MTHFD1L: variants seen among roughly 807,000 people sequenced by gnomAD.
MTHFD1L encodes monofunctional C1-tetrahydrofolate synthase, mitochondrial.
In MTHFD1L, 81 loss-of-function variants were observed where a neutral mutation model predicts 119.5. That is an observed-to-expected ratio of 0.68 (90% CI 0.57 to 0.82). The LOEUF (loss-of-function observed/expected upper bound fraction) is 0.82. Among genes scored for constraint, MTHFD1L ranks in the 40% least tolerant of loss-of-function variants. The pLI, the probability that MTHFD1L is intolerant of heterozygous loss-of-function variation, is 0.00. For synonymous variants in MTHFD1L, 430 were observed against 475.2 expected, an observed-to-expected ratio of 0.90 and a Z score of 1.24; for missense variants, 1,125 against 1,253.4, an observed-to-expected ratio of 0.90 and a Z score of 1.55.
chr6:150,958,152 A>G (rs779382554), intron 17 of MTHFD1L, among the ~76,000 whole-genome samples: 2 of 152,214 alleles, frequency 1.3e-5, no homozygotes, highest in Non-Finnish European at 2.9e-5. Context: ...TGCTTCGTGC[A>G]TAGATATTTT....
In MTHFD1L at chr6:150,884,450, A is replaced by G. The variant is rs1161122640; in HGVS notation, c.543-1184A>G. On this transcript the variant is annotated intron_variant, in intron 5 of 27. Transcript: ENST00000367321. ...CCACCGCGCCTGGCCCCTTGTCTCT[A>G]TTTTTAAGTAAATAATTAAACATTT... 3.9e-5 allele frequency among the ~76,000 whole-genome samples: 6 copies of G among 151,964 alleles called. No individual in the cohort carries two copies. The East Asian group carries it at 1.2e-3, about 30-fold the overall frequency.
At chr6:150,873,870 A>G (rs1779957670) in intron 1 of MTHFD1L, among the ~76,000 whole-genome samples, 1 of 152,152 alleles carries the variant, frequency 6.6e-6, no homozygotes, top group Non-Finnish European at 1.5e-5. Flanking sequence ...GGGTTTCACC[A>G]TGTTGGCCAG....
intron 15 of MTHFD1L, among the ~76,000 whole-genome samples, chr6:150,947,715 A>G (rs544272248): frequency 2.6e-5 from 4 of 152,164 alleles, no homozygotes; most frequent in Admixed American, 2.6e-4. Flanking sequence ...GAACTGCGGC[A>G]TCAATTATAT....
At chr6:150,909,816 A>T (rs1430521893) in intron 8 of MTHFD1L, among the ~76,000 whole-genome samples, 3 of 152,164 alleles carry the variant, frequency 2.0e-5, no homozygotes, top group Non-Finnish European at 4.4e-5. Context: ...GAGCCCTGGG[A>T]TGCTGATGTG....
At chr6:151,002,797 C>T (rs1027442253) in intron 20 of MTHFD1L, among the ~76,000 whole-genome samples, 13 of 152,194 alleles carry the variant, frequency 8.5e-5, no homozygotes, top group African/African-American at 1.4e-4. Context: ...TCAGAGGAGG[C>T]GTCTAGAAAG....
chr6:150,880,105 A>G (rs1781159813), intron 4 of MTHFD1L, among the ~76,000 whole-genome samples: 1 of 152,178 alleles, frequency 6.6e-6, no homozygotes, highest in African/African-American at 2.4e-5. Context: ...CTTTGTGGTG[A>G]TAGCTTTCAA....
At chr6:151,085,403 T>C (rs1318161325) in intron 26 of MTHFD1L, among the ~76,000 whole-genome samples, 1 of 152,210 alleles carries the variant, frequency 6.6e-6, no homozygotes, top group East Asian at 1.9e-4. Context: ...TAATTGAACA[T>C]GACTTACGTC....
chr6:151,017,268 C>T (rs998056631), intron 24 of MTHFD1L, among the ~76,000 whole-genome samples: 5 of 152,110 alleles, frequency 3.3e-5, no homozygotes, highest in Admixed American at 1.3e-4. Context: ...CCAGGGACCT[C>T]ATGTAAGTAG....
intron 7 of MTHFD1L, among the ~76,000 whole-genome samples, chr6:150,893,690 C>G (rs1179219532): frequency 6.6e-6 from 1 of 152,114 alleles, no homozygotes; most frequent in Non-Finnish European, 1.5e-5. Flanking sequence ...TATCTACCAT[C>G]TCTTAAACTA....
intron 16 of MTHFD1L, among the ~76,000 whole-genome samples, chr6:150,954,512 A>G (rs1795320087): frequency 6.6e-6 from 1 of 151,612 alleles, no homozygotes; most frequent in African/African-American, 2.4e-5. Context: ...AAATGGCAAA[A>G]CCCCATCTCT....
At chr6:150,959,392 T>C (rs1796108223) in intron 17 of MTHFD1L, among the ~76,000 whole-genome samples, 1 of 152,182 alleles carries the variant, frequency 6.6e-6, no homozygotes, top group South Asian at 2.1e-4. Context: ...AGTGGTTCTG[T>C]CCAGAGAAAC....
At chr6:150,916,812 G>A (rs1044372442) in intron 8 of MTHFD1L, among the ~76,000 whole-genome samples, 3 of 123,388 alleles carry the variant, frequency 2.4e-5, no homozygotes, top group African/African-American at 9.5e-5. Context: ...GCCCAGGCTG[G>A]AGAGCAATGG....
chr6:151,086,548 GAGAC>G (rs1243200797), intron 26 of MTHFD1L, among the ~76,000 whole-genome samples: 1 of 151,786 alleles, frequency 6.6e-6, no homozygotes, highest in East Asian at 1.9e-4. Context: ...TTATTTTTTT[GAGAC>G]AGGGTCTGGC....
intron 12 of MTHFD1L, among the ~76,000 whole-genome samples, chr6:150,938,231 C>T (rs529480224): frequency 1.3e-4 from 20 of 152,170 alleles, no homozygotes; most frequent in African/African-American, 4.1e-4. Context: ...TTGGCCAGGC[C>T]GGTCTCGAAC....
At chr6:151,084,498 T>C (rs916646383) in intron 26 of MTHFD1L, among the ~76,000 whole-genome samples, 134 of 152,256 alleles carry the variant, frequency 8.8e-4, no homozygotes, top group African/African-American at 3.1e-3. Flanking sequence ...AGGGTGGTCT[T>C]GAACTCCTGG....
intron 26 of MTHFD1L, among the ~76,000 whole-genome samples, chr6:151,061,374 G>A (rs118103744): frequency 0.032 from 4,879 of 152,240 alleles, 153 homozygotes; most frequent in Admixed American, 0.098. Flanking sequence ...TAGAGACTCA[G>A]TCCCCAAGGT....
intron 7 of MTHFD1L, among the ~76,000 whole-genome samples, chr6:150,889,010 A>G (rs2128781748): frequency 6.6e-6 from 1 of 152,236 alleles, no homozygotes; most frequent in East Asian, 1.9e-4. Flanking sequence ...CACCGTCTCT[A>G]CTAAAAATAC....
At chr6:151,096,462 C>T (rs576121810) in intron 27 of MTHFD1L, among the ~76,000 whole-genome samples, 1 of 152,340 alleles carries the variant, frequency 6.6e-6, no homozygotes, top group East Asian at 1.9e-4. Context: ...CATTCCCTCT[C>T]AGTGGCTCCT....
At chr6:150,962,914 C>CTT (rs4035893) in intron 18 of MTHFD1L, among the ~76,000 whole-genome samples, 2,256 of 114,102 alleles carry the variant, frequency 0.02, 101 homozygotes, top group African/African-American at 0.07. Context: ...CTTTTCTTTT[C>CTT]TTTTTTTTTT....
Sources: gnomAD v4.1 joint callset for allele counts (sites outside exome capture counted in the v4.1 genomes callset) on GRCh38, gnomAD v4.1.1 for gene constraint, MANE v1.5 for transcripts, NCBI Gene and HGNC (gene_info 2026-07-23, HGNC 2026-07-21) for gene names.